Variants in ESR1 observed in about 807,000 individuals in gnomAD.
ESR1 encodes the protein estrogen receptor 1, also known as estrogen receptor.
In ESR1, 12 loss-of-function variants were observed where a neutral mutation model predicts 52.7. That is an observed-to-expected ratio of 0.23 (90% CI 0.15 to 0.37). The LOEUF (loss-of-function observed/expected upper bound fraction) is 0.37, where lower values mean the gene tolerates loss of function less well. ESR1 is among the 10% of genes least tolerant of loss of function. The pLI is 1.00. For synonymous variants in ESR1, 305 were observed against 316.8 expected (o/e 0.96, Z 0.39); for missense variants, 584 against 779.7 (o/e 0.75, Z 2.99).
chr6:152,092,201 A>T (rs1405020826), intron 6 of ESR1, among the ~76,000 whole-genome samples: 1 of 152,264 alleles, frequency 6.6e-6, no homozygotes, highest in East Asian at 1.9e-4. Flanking sequence ...ACATAAGTGA[A>T]GTAATTCAGC....
chr6:151,744,053 G>T (rs577857894), intron 2 of ESR1, among the ~76,000 whole-genome samples: 108 of 152,002 alleles, frequency 7.1e-4, no homozygotes, highest in Non-Finnish European at 1.3e-3. Context: ...TGTTTTCGAG[G>T]TTCATCTATA....
intron 1 of ESR1, among the ~76,000 whole-genome samples, chr6:151,660,582 T>C (rs1480565524): frequency 6.6e-6 from 1 of 152,192 alleles, no homozygotes; most frequent in Non-Finnish European, 1.5e-5. Context: ...GCCATTAAAA[T>C]TTGAAACAGG....
intron 4 of ESR1, among the ~76,000 whole-genome samples, chr6:152,005,122 C>T (rs1166077793): frequency 6.6e-6 from 1 of 151,972 alleles, no homozygotes; most frequent in Admixed American, 6.6e-5. Flanking sequence ...TGGAGGGCTG[C>T]TGGGTTCAGT....
At chr6:152,068,319 G>C (rs1585092739) in intron 6 of ESR1, among the ~76,000 whole-genome samples, 1 of 152,306 alleles carries the variant, frequency 6.6e-6, no homozygotes, top group East Asian at 1.9e-4. Flanking sequence ...TAGATTCTAA[G>C]GCATTCATAA....
At chr6:151,795,710 G>A (rs1052923387) in intron 2 of ESR1, among the ~76,000 whole-genome samples, 1 of 152,118 alleles carries the variant, frequency 6.6e-6, no homozygotes, top group African/African-American at 2.4e-5. Context: ...TTACTCATGT[G>A]CAAATTGACT....
In ESR1 at chr6:152,094,227, C is replaced by A. The variant is rs968203707; in HGVS notation, c.1370-158C>A. On this transcript the variant is annotated intron_variant, in intron 6 of 7. Transcript: ENST00000206249. This position sits in a 1 kb window ranked among gnomAD's most constrained non-coding sequence, Gnocchi z 4.6. ...TTGCAAATGCATTAGGAATTTTACA[C>A]TGTAACCCGGTTTTAAATGGGTCCA... Among the ~76,000 whole-genome samples the A allele has an allele frequency of 6.6e-6, 1 of 152,168 alleles. No individual in the cohort carries two copies. The highest frequency in any genetic ancestry group is 2.4e-5 in the African/African-American group (1 of 41,434).
intron 1 of ESR1, among the ~76,000 whole-genome samples, chr6:151,676,411 A>G (rs1293944): frequency 0.57 from 86,061 of 152,050 alleles, 24,662 homozygotes; most frequent in African/African-American, 0.66. Context: ...TAGCAATCAG[A>G]GTGTGGTAGT....
intron 4 of ESR1, among the ~76,000 whole-genome samples, chr6:151,977,248 C>G (rs1452194486): frequency 6.6e-6 from 1 of 151,942 alleles, no homozygotes; most frequent in Non-Finnish European, 1.5e-5. Flanking sequence ...ATCCGAGGTT[C>G]CAAATGGTAA....
chr6:151,806,464 A>G (rs1030864682), upstream of ESR1, among the ~76,000 whole-genome samples: 3 of 149,962 alleles, frequency 2.0e-5, no homozygotes, highest in East Asian at 3.9e-4. Context: ...AGTTTATTCA[A>G]AAGTATAAAC....
chr6:152,037,192 T>G (rs3020433), intron 5 of ESR1, among the ~76,000 whole-genome samples: 66,605 of 151,894 alleles, frequency 0.44, 16,504 homozygotes, highest in African/African-American at 0.67. Flanking sequence ...ATCCGTATGG[T>G]CGGGCCTAAA....
At chr6:151,949,116 C>T (rs1172171474) in intron 4 of ESR1, among the ~76,000 whole-genome samples, 1 of 152,174 alleles carries the variant, frequency 6.6e-6, no homozygotes, top group African/African-American at 2.4e-5. Flanking sequence ...TCCCTGACAG[C>T]CACCATAGTG....
chr6:151,802,714 C>T (rs1204172506), upstream of ESR1, among the ~76,000 whole-genome samples: 1 of 152,150 alleles, frequency 6.6e-6, no homozygotes. Flanking sequence ...AAAGACCGGG[C>T]GTGATGGCTC....
At chr6:151,709,531 T>A (rs930088193) in intron 2 of ESR1, among the ~76,000 whole-genome samples, 1 of 152,178 alleles carries the variant, frequency 6.6e-6, no homozygotes, top group Non-Finnish European at 1.5e-5. Flanking sequence ...TCGGTAATTG[T>A]ATGATTACTG....
intron 2 of ESR1, among the ~76,000 whole-genome samples, chr6:151,707,898 A>G (rs1333213740): frequency 6.6e-6 from 1 of 152,032 alleles, no homozygotes; most frequent in African/African-American, 2.4e-5. Context: ...ATTTCCACTA[A>G]TTTGACAGAT....
At chr6:152,129,512 C>T (rs2054722027) in exon 7 of ESR1, 1 of 151,008 alleles carries the variant, frequency 6.6e-6, no homozygotes, top group Admixed American at 6.6e-5. Context: ...CAAAAGTCCC[C>T]AAGAGTTTTT....
chr6:151,768,613 G>T (rs1351927112), intron 2 of ESR1, among the ~76,000 whole-genome samples: 1 of 152,046 alleles, frequency 6.6e-6, no homozygotes, highest in Admixed American at 6.6e-5. Flanking sequence ...ATAAGATGTT[G>T]TTTTTGGAAA....
At chr6:151,669,146 G>GA in intron 1 of ESR1, among the ~76,000 whole-genome samples, 1 of 133,500 alleles carries the variant, frequency 7.5e-6, no homozygotes, top group African/African-American at 2.9e-5. Flanking sequence ...TTTGGGAGCT[G>GA]GGAGAGAGAG....
At position 152,080,529 on chromosome 6, in the gene ESR1, G is replaced by A. The variant is rs192079827; in HGVS notation, c.1370-13856G>A. Among the ~76,000 whole-genome samples, 470 of 152,246 alleles carry A rather than the reference G, an allele frequency of 3.1e-3. 1 individual carries two copies. Among genetic ancestry groups the A allele is most frequent in the African/African-American group, 0.011 (450 of 41,536 alleles). ...CACTAAACATGGAAAGGAACAAACA[G>A]TACCAGCCACTGCAAAAACATTCCA... On this transcript the variant is annotated intron_variant, in intron 6 of 7. Transcript: ENST00000206249.
chr6:151,712,020 A>G (rs139964281), intron 2 of ESR1, among the ~76,000 whole-genome samples: 1 of 152,150 alleles, frequency 6.6e-6, no homozygotes, highest in Non-Finnish European at 1.5e-5. Flanking sequence ...TAATTTTTGT[A>G]TAAGGTGTAA....
Sources: gnomAD v4.1 joint callset for allele counts (sites outside exome capture counted in the v4.1 genomes callset) on GRCh38, gnomAD v4.1.1 for gene constraint, Gnocchi (gnomAD v3.1) non-coding constraint, MANE v1.5 for transcripts, NCBI Gene and HGNC (gene_info 2026-07-23, HGNC 2026-07-21) for gene names.